The following GABRB1 variants were observed in gnomAD, a reference collection of about 807,000 sequenced individuals.
GABRB1 encodes the protein gamma-aminobutyric acid type A receptor subunit beta1, also known as gamma-aminobutyric acid receptor subunit beta-1.
Under a neutral mutation model 51.6 loss-of-function variants are expected in GABRB1, and 17 were observed. The observed-to-expected ratio is 0.33, with a 90% CI of 0.23 to 0.49. The LOEUF (loss-of-function observed/expected upper bound fraction) is 0.49. Among genes scored for constraint, GABRB1 ranks in the 20% least tolerant of loss-of-function variants. GABRB1 has a pLI of 0.99. For missense variants in GABRB1, 410 were observed against 600.6 expected, an observed-to-expected ratio of 0.68 and a Z score of 3.32; for synonymous variants, 247 against 218.9, an observed-to-expected ratio of 1.13 and a Z score of -1.14.
chr4:47,394,558 C>T (rs1272513419), intron 5 of GABRB1, among the ~76,000 whole-genome samples: 1 of 152,108 alleles, frequency 6.6e-6, no homozygotes, highest in Non-Finnish European at 1.5e-5. Flanking sequence ...AAAATCCATG[C>T]CTAGATAAGT....
chr4:47,144,852 G>A (rs1457727816), intron 3 of GABRB1, among the ~76,000 whole-genome samples: 1 of 151,892 alleles, frequency 6.6e-6, no homozygotes, highest in Non-Finnish European at 1.5e-5. Flanking sequence ...CTACACCTTT[G>A]AGAGTATAGA....
At chr4:47,171,687 C>A (rs529458006) in intron 4 of GABRB1, among the ~76,000 whole-genome samples, 3 of 152,006 alleles carry the variant, frequency 2.0e-5, no homozygotes, top group Non-Finnish European at 4.4e-5. Flanking sequence ...ATCTAAGCAA[C>A]GCATTTTATT....
intron 5 of GABRB1, among the ~76,000 whole-genome samples, chr4:47,390,669 T>C (rs1727956720): frequency 6.6e-6 from 1 of 152,186 alleles, no homozygotes; most frequent in Admixed American, 6.5e-5. Flanking sequence ...GGTATCCAAG[T>C]GTTCAGCTCT....
chr4:47,302,062 T>G (rs1724281867), intron 4 of GABRB1, among the ~76,000 whole-genome samples: 1 of 152,132 alleles, frequency 6.6e-6, no homozygotes, highest in South Asian at 2.1e-4. Context: ...GTTTATAAAT[T>G]CGGATATGTA....
chr4:47,223,567 C>A (rs2109826709), intron 4 of GABRB1, among the ~76,000 whole-genome samples: 1 of 151,956 alleles, frequency 6.6e-6, no homozygotes, highest in South Asian at 2.1e-4. Flanking sequence ...TACTTTTGTG[C>A]TTATTTTGTA....
At chr4:47,250,623 A>T (rs1420859834) in intron 4 of GABRB1, among the ~76,000 whole-genome samples, 2 of 151,892 alleles carry the variant, frequency 1.3e-5, no homozygotes, top group African/African-American at 4.8e-5. Context: ...ATAATCCCAG[A>T]CTTCTTGGAG....
At chr4:47,396,140 G>T (rs866755512) in intron 5 of GABRB1, among the ~76,000 whole-genome samples, 6 of 152,092 alleles carry the variant, frequency 3.9e-5, no homozygotes, top group Admixed American at 1.3e-4. Context: ...GTTCCACCTG[G>T]CCAGGAAAGC....
At chr4:47,139,054 C>G (rs567501371) in intron 3 of GABRB1, among the ~76,000 whole-genome samples, 1 of 152,060 alleles carries the variant, frequency 6.6e-6, no homozygotes, top group East Asian at 1.9e-4. Context: ...ATTTCTGCAC[C>G]TTCTTCATCT....
chr4:47,017,680 A>G (rs1334699936), intron 1 of GABRB1, among the ~76,000 whole-genome samples: 1 of 152,170 alleles, frequency 6.6e-6, no homozygotes, highest in East Asian at 1.9e-4. Context: ...TTACCACTGA[A>G]TCTCTGAAAT....
At chr4:47,412,993 T>C (rs575382865) in intron 8 of GABRB1, among the ~76,000 whole-genome samples, 1 of 152,342 alleles carries the variant, frequency 6.6e-6, no homozygotes, top group South Asian at 2.1e-4. Flanking sequence ...CTCTGTACTG[T>C]ACTCGGGTGA....
At chr4:47,099,607 C>T (rs769645801) in intron 3 of GABRB1, among the ~76,000 whole-genome samples, 41 of 152,028 alleles carry the variant, frequency 2.7e-4, no homozygotes, top group Non-Finnish European at 5.0e-4. Flanking sequence ...TTTTCTGGTG[C>T]TCTCAGAAGC....
At chr4:47,235,546 TA>T (rs550424374) in intron 4 of GABRB1, among the ~76,000 whole-genome samples, 22 of 130,682 alleles carry the variant, frequency 1.7e-4, no homozygotes, top group Admixed American at 7.1e-4. Flanking sequence ...AGACTGCATC[TA>T]AAAAAAAAAC....
chr4:47,312,037 T>TTG lies in GABRB1; in HGVS notation c.462-8057_462-8056dup, dbSNP rs36206411. Among the ~76,000 whole-genome samples, 308 of 140,872 alleles carry TTG rather than the reference T, an allele frequency of 2.2e-3. 1 individual carries two copies. The highest frequency in any genetic ancestry group is 7.9e-3 in the Middle Eastern group (2 of 254). The allele number at this position is 140,872 out of a possible 152,430, so 92.4% of individuals were successfully genotyped here. On this transcript the variant is annotated intron_variant, in intron 4 of 8. Coordinates refer to ENST00000295454, the MANE Select transcript of GABRB1 (RefSeq NM_000812.4). ...TAAAAATAAAACATTTACCCAAGGCTTGTGTGTGTGTGTGTGTGTGTGTGT... is the reference window on the plus strand; with the variant it reads ...TAAAAATAAAACATTTACCCAAGGCTTGTGTGTGTGTGTGTGTGTGTGTGTGT...
intron 3 of GABRB1, among the ~76,000 whole-genome samples, chr4:47,037,706 A>C (rs879524803): frequency 2.6e-5 from 4 of 152,172 alleles, no homozygotes; most frequent in Non-Finnish European, 2.9e-5. Context: ...ATAGTAACTT[A>C]CTGAACATTT....
intron 5 of GABRB1, among the ~76,000 whole-genome samples, chr4:47,377,043 TAAA>T (rs11299443): frequency 0.091 from 13,819 of 151,684 alleles, 771 homozygotes; most frequent in Non-Finnish European, 0.13. Flanking sequence ...TCTTTCAGGA[TAAA>T]AAAAAAGGGT....
At chr4:47,337,116 G>C (rs757193468) in intron 5 of GABRB1, among the ~76,000 whole-genome samples, 1 of 152,166 alleles carries the variant, frequency 6.6e-6, no homozygotes, top group Non-Finnish European at 1.5e-5. Flanking sequence ...TTAGGAAGGA[G>C]TAAGGGAGAA....
At chr4:47,294,316 G>T (rs189046070) in intron 4 of GABRB1, among the ~76,000 whole-genome samples, 1 of 152,208 alleles carries the variant, frequency 6.6e-6, no homozygotes, top group South Asian at 2.1e-4. Flanking sequence ...TGCCTCACTC[G>T]GAAAGCACAA....
At chr4:47,293,223 C>A (rs1004496796) in intron 4 of GABRB1, among the ~76,000 whole-genome samples, 8 of 152,122 alleles carry the variant, frequency 5.3e-5, no homozygotes, top group African/African-American at 1.9e-4. Flanking sequence ...CTCACCACAA[C>A]CTCCGCCTCC....
chr4:47,154,551 C>T (rs1404575340), intron 3 of GABRB1, among the ~76,000 whole-genome samples: 4 of 151,900 alleles, frequency 2.6e-5, no homozygotes, highest in Non-Finnish European at 5.9e-5. Context: ...TTGAGGTTTC[C>T]TTGGCCTTTA....
Sources: gnomAD v4.1 joint callset for allele counts (sites outside exome capture counted in the v4.1 genomes callset) on GRCh38, gnomAD v4.1.1 for gene constraint, MANE v1.5 for transcripts, NCBI Gene and HGNC (gene_info 2026-07-23, HGNC 2026-07-21) for gene names.